EXOC6B: variants seen among roughly 807,000 people sequenced by gnomAD.
EXOC6B encodes the protein exocyst complex component 6B, also known as SEC15 homolog B.
A neutral mutation model predicts 113.5 loss-of-function variants in EXOC6B; 54 were observed. The observed-to-expected ratio is 0.48, with a 90% CI of 0.38 to 0.60. The LOEUF is 0.60. EXOC6B is among the 20% of genes least tolerant of loss of function. EXOC6B has a pLI of 0.00. For synonymous variants in EXOC6B, 357 were observed against 339.0 expected, an observed-to-expected ratio of 1.05 and a Z score of -0.58; for missense variants, 797 against 977.5, an observed-to-expected ratio of 0.82 and a Z score of 2.46.
At chr2:72,201,015 G>A (rs554824097) in intron 20 of EXOC6B, among the ~76,000 whole-genome samples, 1 of 151,820 alleles carries the variant, frequency 6.6e-6, no homozygotes, top group South Asian at 2.1e-4. Context: ...TCATGATTTT[G>A]TTATGTATCT....
intron 6 of EXOC6B, among the ~76,000 whole-genome samples, chr2:72,708,117 A>G (rs1022547476): frequency 5.9e-5 from 9 of 152,192 alleles, no homozygotes; most frequent in African/African-American, 2.2e-4. Flanking sequence ...AAACAAAATA[A>G]AAGTCTCTAT....
intron 6 of EXOC6B, among the ~76,000 whole-genome samples, chr2:72,702,431 A>G (rs1440999572): frequency 2.8e-3 from 284 of 99,874 alleles, no homozygotes; most frequent in Admixed American, 3.1e-3. Flanking sequence ...CTTTGGGTAT[A>G]TACCCAGTAA....
At chr2:72,264,563 C>G (rs549514159) in intron 20 of EXOC6B, among the ~76,000 whole-genome samples, 1 of 152,182 alleles carries the variant, frequency 6.6e-6, no homozygotes, top group African/African-American at 2.4e-5. Context: ...GAGCGAAATT[C>G]TGCCTCAAAC....
At chr2:72,673,267 T>C (rs1483398319) in intron 6 of EXOC6B, among the ~76,000 whole-genome samples, 1 of 152,198 alleles carries the variant, frequency 6.6e-6, no homozygotes, top group Non-Finnish European at 1.5e-5. Context: ...AATATACTAA[T>C]GCCCAGGTTC....
chr2:72,514,735 T>A, intron 9 of EXOC6B, 55 bp from the exon 10 acceptor site: 1 of 1,118,348 alleles, frequency 8.9e-7, no homozygotes, highest in Non-Finnish European at 1.3e-6. Context: ...ACATTAAGAC[T>A]AAGTTAAAAT....
chr2:72,275,759 G>C (rs1008256159), intron 20 of EXOC6B, among the ~76,000 whole-genome samples: 1 of 152,156 alleles, frequency 6.6e-6, no homozygotes, highest in Admixed American at 6.6e-5. Flanking sequence ...CAGAGTTCAA[G>C]GTAACACCTC....
intron 17 of EXOC6B, among the ~76,000 whole-genome samples, chr2:72,468,164 T>G (rs1291003411): frequency 1.3e-5 from 2 of 152,124 alleles, no homozygotes; most frequent in African/African-American, 4.8e-5. Context: ...CTGATTTGTC[T>G]TTTTTTACAT....
chr2:72,578,202 C>T (rs1199717198), intron 6 of EXOC6B, among the ~76,000 whole-genome samples: 1 of 152,070 alleles, frequency 6.6e-6, no homozygotes, highest in East Asian at 1.9e-4. Flanking sequence ...TACAATCCCC[C>T]TACCTAATAC....
At chr2:72,469,923 T>C (rs1292512854) in intron 17 of EXOC6B, among the ~76,000 whole-genome samples, 1 of 152,134 alleles carries the variant, frequency 6.6e-6, no homozygotes, top group Non-Finnish European at 1.5e-5. Context: ...TATTTTTCCA[T>C]CTTTGATCTT....
At chr2:72,254,138 C>T (rs893373774) in intron 20 of EXOC6B, among the ~76,000 whole-genome samples, 10 of 151,440 alleles carry the variant, frequency 6.6e-5, no homozygotes, top group African/African-American at 1.2e-4. Context: ...CCAGGCTGGG[C>T]GACAAAGCAA....
intron 6 of EXOC6B, among the ~76,000 whole-genome samples, chr2:72,609,161 C>T (rs751004358): frequency 5.9e-5 from 9 of 151,946 alleles, no homozygotes; most frequent in East Asian, 5.8e-4. Context: ...ATCACAATAC[C>T]CTGTTGGAAG....
chr2:72,280,554 G>A (rs1417765915), intron 20 of EXOC6B, among the ~76,000 whole-genome samples: 1 of 152,162 alleles, frequency 6.6e-6, no homozygotes, highest in Non-Finnish European at 1.5e-5. Context: ...AGGTGGTAAT[G>A]ACATCAGTTA....
intron 1 of EXOC6B, among the ~76,000 whole-genome samples, chr2:72,775,097 A>G (rs556973075): frequency 1.4e-3 from 215 of 152,260 alleles, no homozygotes; most frequent in African/African-American, 5.1e-3. Context: ...CCACCTTCCC[A>G]GCAACTCAAT....
intron 20 of EXOC6B, among the ~76,000 whole-genome samples, chr2:72,294,283 C>A (rs569944668): frequency 1.3e-4 from 20 of 151,874 alleles, no homozygotes; most frequent in African/African-American, 4.1e-4. Context: ...GTATTGTTTA[C>A]CCTCCAAAGT....
intron 7 of EXOC6B, among the ~76,000 whole-genome samples, chr2:72,569,708 C>A (rs1349729850): frequency 6.6e-6 from 1 of 152,138 alleles, no homozygotes; most frequent in African/African-American, 2.4e-5. Flanking sequence ...AAACTCTAAA[C>A]TTCTAAAGTA....
intron 18 of EXOC6B, among the ~76,000 whole-genome samples, chr2:72,411,689 C>T (rs1263535163): frequency 6.6e-6 from 1 of 152,064 alleles, no homozygotes; most frequent in East Asian, 1.9e-4. Flanking sequence ...AGAATCTGGT[C>T]GTGGATTAGT....
chr2:72,399,865 A>T lies in EXOC6B; in HGVS notation c.1981-19995T>A, dbSNP rs574037898. Among the ~76,000 whole-genome samples, 11 of 152,346 alleles carry T rather than the reference A, an allele frequency of 7.2e-5. No individual in the cohort carries two copies. The East Asian group carries it at 2.1e-3, about 29-fold the overall frequency. On this transcript the variant is annotated intron_variant, in intron 18 of 21. Transcript: ENST00000272427. ...TAAAATAACCATACTGCCCAAAGCA[A>T]TCTACAGATTCAATGCAATTTCTAT...
At chr2:72,449,946 ATCTCTGT>A (rs1311779316) in intron 18 of EXOC6B, among the ~76,000 whole-genome samples, 1 of 152,214 alleles carries the variant, frequency 6.6e-6, no homozygotes, top group African/African-American at 2.4e-5. Flanking sequence ...ACTCTTATTT[ATCTCTGT>A]CTAACTTCTA....
At chr2:72,574,625 G>A (rs182982088) in intron 7 of EXOC6B, among the ~76,000 whole-genome samples, 1,773 of 152,192 alleles carry the variant, frequency 0.012, 22 homozygotes, top group Non-Finnish European at 0.017. Context: ...GAGTACAAGA[G>A]TAAATGATTC....
Sources: gnomAD v4.1 joint callset for allele counts (sites outside exome capture counted in the v4.1 genomes callset) on GRCh38, gnomAD v4.1.1 for gene constraint, MANE v1.5 for transcripts, NCBI Gene and HGNC (gene_info 2026-07-23, HGNC 2026-07-21) for gene names.